Variants in HMGN2 observed in about 807,000 individuals in gnomAD.
HMGN2 encodes high mobility group nucleosomal binding domain 2, also known as non-histone chromosomal protein HMG-17.
In HMGN2, 2 loss-of-function variants were observed where a neutral mutation model predicts 16.9. The observed-to-expected ratio is 0.12, with a 90% CI of 0.05 to 0.37. The LOEUF (loss-of-function observed/expected upper bound fraction) is 0.37, where lower values mean the gene tolerates loss of function less well. HMGN2 is among the 10% of genes least tolerant of loss of function. HMGN2 has a pLI of 1.00. For missense variants in HMGN2, 90 were observed against 106.0 expected (o/e 0.85, Z 0.66); for synonymous variants, 31 against 34.9 (o/e 0.89, Z 0.39).
chr1:26,472,591 C>T lies in HMGN2; in HGVS notation c.-22C>T. The T allele has an allele frequency of 6.5e-7, 1 of 1,535,390 alleles. No homozygotes were observed. Among genetic ancestry groups the T allele is most frequent in the South Asian group, 1.2e-5 (1 of 84,192 alleles). ...CATCCCGCGTCCAGCACCTACGTCC[C>T]GCTGCCGTCGCCGCCGCCACCATGC... is the stretch of plus-strand genomic sequence containing the variant. On this transcript the variant is annotated 5_prime_UTR_variant, in exon 1 of 6. Transcript: ENST00000361427.
chr1:26,474,158 A>G, intron 4 of HMGN2, 23 bp downstream of exon 4: 1 of 1,570,048 alleles, frequency 6.4e-7, no homozygotes, highest in Non-Finnish European at 8.7e-7. Context: ...ATTGGAACTG[A>G]TCATTTTCAC....
chr1:26,474,924 T>A, intron 5 of HMGN2, 189 bp from the exon 6 acceptor site: 3 of 614,460 alleles, frequency 4.9e-6, no homozygotes, highest in Non-Finnish European at 5.8e-6. Flanking sequence ...CTACCTCAAT[T>A]TTACAGTGAG....
chr1:26,474,762 G>C, intron 5 of HMGN2, 95 bp downstream of exon 5: 1 of 706,600 alleles, frequency 1.4e-6, no homozygotes, highest in Non-Finnish European at 2.6e-6. Context: ...CACTCCAAAT[G>C]TACCATTTGG....
At chr1:26,472,681 G>GCCGCCT in intron 1 of HMGN2, 54 bp downstream of exon 1, 1 of 1,465,242 alleles carries the variant, frequency 6.8e-7, no homozygotes, top group Non-Finnish European at 9.1e-7. Context: ...CACCGCCGCC[G>GCCGCCT]CCGCCTCCCT....
rs2075603207 is a variant in HMGN2 at position 26,475,676 on chromosome 1, TA to T, written c.*531del. The T allele has an allele frequency of 3.0e-6, 1 of 331,534 alleles. No individual in the cohort carries two copies. Among genetic ancestry groups the T allele is most frequent in the African/African-American group, 2.2e-5 (1 of 45,386 alleles). The allele number at this position is 331,534 out of a possible 1,614,324, so 20.5% of individuals were successfully genotyped here. ...CATTTCTAGATTGTGGATCTTCAGA[TA>T]AATTCTGCCATTTTCATTTCACTTC... On this transcript the variant is annotated 3_prime_UTR_variant, in exon 6 of 6. Coordinates refer to ENST00000361427, the MANE Select transcript of HMGN2 (RefSeq NM_005517.4).
intron 1 of HMGN2, 123 bp from the exon 2 acceptor site, chr1:26,473,360 C>T: frequency 2.8e-6 from 2 of 709,926 alleles, no homozygotes; most frequent in South Asian, 1.7e-5. Flanking sequence ...CGGGCTCACT[C>T]ATTTATGTCC....
intron 3 of HMGN2, 174 bp downstream of exon 3, chr1:26,473,906 A>G (rs917772099): frequency 6.3e-6 from 5 of 792,320 alleles, no homozygotes; most frequent in Admixed American, 5.5e-5. Context: ...GCCTGTAGCC[A>G]AAGTGGGACA....
chr1:26,473,256 CCG>C, intron 1 of HMGN2: 1 of 562,516 alleles, frequency 1.8e-6, no homozygotes, highest in Non-Finnish European at 3.1e-6. Context: ...GGTGCGGGCT[CCG>C]CTGCCCTCCC....
chr1:26,474,555 T>G lies in HMGN2; in HGVS notation c.142-17T>G. On this transcript the variant is annotated splice_polypyrimidine_tract_variant and intron_variant, in intron 4 of 5. Transcript: ENST00000361427. The stretch of plus-strand genomic sequence containing the variant: ...ACGAAATGGGGAGAAACAGTTCTAT[T>G]TTTTCCCCTTTTTCAGAAGGGAGAG... The G allele has an allele frequency of 7.9e-7, 1 of 1,266,408 alleles. No homozygotes were observed. Among genetic ancestry groups the G allele is most frequent in the Non-Finnish European group, 1.1e-6 (1 of 871,028 alleles). The allele number at this position is 1,266,408 out of a possible 1,614,324, so 78.4% of individuals were successfully genotyped here.
chr1:26,475,318 A>G lies in HMGN2; in HGVS notation c.*170A>G. The G allele has an allele frequency of 1.9e-6, 1 of 518,110 alleles. No individual in the cohort carries two copies. The allele number at this position is 518,110 out of a possible 1,614,324, so 32.1% of individuals were successfully genotyped here. ...CATTGTTGTTTTTGGGGGAAGGGGC[A>G]TATGTCACTAATAGAATGTCTCCAA... On this transcript the variant is annotated 3_prime_UTR_variant, in exon 6 of 6. Coordinates refer to ENST00000361427, the MANE Select transcript of HMGN2 (RefSeq NM_005517.4).
chr1:26,474,010 T>G, intron 3 of HMGN2, 75 bp from the exon 4 acceptor site: 1 of 1,230,574 alleles, frequency 8.1e-7, no homozygotes, highest in Non-Finnish European at 1.2e-6. Context: ...CTTGGTACTT[T>G]TGGTTGGTTG....
rs116475077 is a variant in HMGN2, at chr1:26,473,682, C to T, written c.61-21C>T. On this transcript the variant is annotated intron_variant, in intron 2 of 5. Transcript: ENST00000361427. ...AGCGACTTACCTGTCCTATTTCTAA[C>T]TTTCTCGTTGTCTTTAATAGCCACA... is the stretch of plus-strand genomic sequence containing the variant. 2.2e-4 allele frequency: 348 copies of T among 1,613,702 alleles called. No individual in the cohort carries two copies. In the African/African-American group the frequency reaches 4.0e-3, roughly 18 times the overall value.
At chr1:26,472,918 A>C (rs1282672435) in intron 1 of HMGN2, among the ~76,000 whole-genome samples, 7 of 143,810 alleles carry the variant, frequency 4.9e-5, no homozygotes, top group South Asian at 2.3e-4. Flanking sequence ...CCCCTCCCCC[A>C]TCGCGAGGGC....
In HMGN2 at chr1:26,473,748, T is replaced by G; in HGVS notation, c.90+16T>G. The stretch of plus-strand genomic sequence containing the variant: ...GTTGTCTGCTGTAAGTGTATGCTTT[T>G]GAATTTTCGTGCTTGTCCCTGAAAC... On this transcript the variant is annotated intron_variant, in intron 3 of 5. Coordinates refer to ENST00000361427, the MANE Select transcript of HMGN2 (RefSeq NM_005517.4). 1 of 1,613,028 alleles carries G rather than the reference T, an allele frequency of 6.2e-7. No homozygotes were observed. Among genetic ancestry groups the G allele is most frequent in the Non-Finnish European group, 8.5e-7 (1 of 1,179,110 alleles).
At chr1:26,473,621 C>G in intron 2 of HMGN2, 82 bp from the exon 3 acceptor site, 2 of 1,552,618 alleles carry the variant, frequency 1.3e-6, no homozygotes, top group South Asian at 2.2e-5. Context: ...AATTTACACT[C>G]CTATAATCTA....
At chr1:26,473,669 G>A in intron 2 of HMGN2, 34 bp from the exon 3 acceptor site, 4 of 1,612,038 alleles carry the variant, frequency 2.5e-6, no homozygotes, top group Non-Finnish European at 3.4e-6. Context: ...CGACTTACCT[G>A]TCCTATTTCT....
Position 26,473,469 on chromosome 1 carries a change from CTTGT to C in HMGN2, c.16-11_16-8del. On this transcript the variant is annotated splice_polypyrimidine_tract_variant and intron_variant, in intron 1 of 5. Coordinates refer to ENST00000361427, the MANE Select transcript of HMGN2 (RefSeq NM_005517.4). ...ACCTCAAAATCTGCAGTTTTTTGTT[CTTGT>C]TTCTTATAGGCTGAAGGGGATGCTA... 3 of 1,605,702 alleles carry C rather than the reference CTTGT, an allele frequency of 1.9e-6. No individual in the cohort carries two copies. The highest frequency in any genetic ancestry group is 2.2e-5 in the East Asian group (1 of 44,830).
intron 4 of HMGN2, 140 bp downstream of exon 4, chr1:26,474,275 A>G (rs183940879): frequency 1.1e-5 from 7 of 660,000 alleles, no homozygotes. Context: ...GTCATTCATA[A>G]CGTTGGTTTC....
rs1216434656 is a variant in HMGN2, at chr1:26,474,077, A to G, written c.91-8A>G. On this transcript the variant is annotated splice_region_variant and splice_polypyrimidine_tract_variant and intron_variant, in intron 3 of 5. Coordinates refer to ENST00000361427, the MANE Select transcript of HMGN2 (RefSeq NM_005517.4). ...GTTCACTTTTTCCTCTCTTCCTGCCAAAAAAAGAAACCTGCTCCTCCAAAG... is the reference window on the plus strand; with the variant it reads ...GTTCACTTTTTCCTCTCTTCCTGCCGAAAAAAGAAACCTGCTCCTCCAAAG... 2 of 1,606,012 alleles carry G rather than the reference A, an allele frequency of 1.2e-6. No individual in the cohort carries two copies. Among genetic ancestry groups the G allele is most frequent in the South Asian group, 1.1e-5 (1 of 90,102 alleles).
Sources: gnomAD v4.1 joint callset for allele counts (sites outside exome capture counted in the v4.1 genomes callset) on GRCh38, gnomAD v4.1.1 for gene constraint, MANE v1.5 for transcripts, NCBI Gene and HGNC (gene_info 2026-07-23, HGNC 2026-07-21) for gene names.